SOX5: variants seen among roughly 807,000 people sequenced by gnomAD.
SOX5 encodes the protein SRY-box transcription factor 5, also known as transcription factor SOX-5.
SOX5 carries 9 observed loss-of-function variants against 92.0 expected under a neutral mutation model. The ratio of observed to expected loss-of-function variants is 0.10; its 90% CI spans 0.06 to 0.17. The LOEUF (loss-of-function observed/expected upper bound fraction) is 0.17, where lower values mean the gene tolerates loss of function less well. SOX5 is among the 10% of genes least tolerant of loss of function. The probability of loss-of-function intolerance (pLI) is 1.00; values close to 1 mark genes in which losing one functional copy is unlikely to be tolerated. For missense variants in SOX5, 642 were observed against 944.5 expected, an observed-to-expected ratio of 0.68 and a Z score of 4.20; for synonymous variants, 344 against 336.3, an observed-to-expected ratio of 1.02 and a Z score of -0.25.
chr12:23,563,676 A>T (rs1261994093), intron 10 of SOX5, among the ~76,000 whole-genome samples: 1 of 152,224 alleles, frequency 6.6e-6, no homozygotes, highest in South Asian at 2.1e-4. Flanking sequence ...AAGAAGTTGA[A>T]AACCTAATTT....
At position 24,422,926 on chromosome 12, in the gene SOX5, G is replaced by T. The variant is rs74410407; in HGVS notation, c.-250-54287C>A. ...CTCAGGAGGCTGAGGTAGAAGAATC[G>T]CCTGAGTCTGGAAGATCCAGGCTGT... On this transcript the variant is annotated intron_variant, in intron 1 of 4. Transcript: ENST00000446891. 4.5e-3 allele frequency among the ~76,000 whole-genome samples: 681 copies of T among 152,258 alleles called. 12 individuals are homozygous for T. In the East Asian group the frequency reaches 0.051, roughly 11 times the overall value.
At chr12:23,903,639 C>A (rs1489246842) in intron 1 of SOX5, among the ~76,000 whole-genome samples, 6 of 152,142 alleles carry the variant, frequency 3.9e-5, no homozygotes, top group African/African-American at 1.2e-4. Flanking sequence ...GAAGGGAACA[C>A]TGAATATGAA....
At chr12:24,072,487 G>A (rs1941923571) in intron 4 of SOX5, among the ~76,000 whole-genome samples, 1 of 152,216 alleles carries the variant, frequency 6.6e-6, no homozygotes, top group African/African-American at 2.4e-5. Context: ...GACCTGTTTA[G>A]AAGTCATAAT....
At chr12:24,049,721 T>G (rs754253733) in intron 4 of SOX5, among the ~76,000 whole-genome samples, 3 of 140,074 alleles carry the variant, frequency 2.1e-5, no homozygotes, top group Non-Finnish European at 3.0e-5. Flanking sequence ...AATAGCAGAT[T>G]TATGAAGGAC....
At chr12:24,052,072 G>A (rs1010572000) in intron 4 of SOX5, among the ~76,000 whole-genome samples, 1 of 152,034 alleles carries the variant, frequency 6.6e-6, no homozygotes, top group Non-Finnish European at 1.5e-5. Context: ...AGCCTTACTT[G>A]ACGTTCCTTC....
At chr12:23,730,204 A>C (rs1228267491) in intron 6 of SOX5, among the ~76,000 whole-genome samples, 1 of 151,972 alleles carries the variant, frequency 6.6e-6, no homozygotes, top group African/African-American at 2.4e-5. Flanking sequence ...AGAATAGGCA[A>C]CAGAGTAAGA....
chr12:23,605,995 T>C (rs975836791), intron 8 of SOX5, among the ~76,000 whole-genome samples: 27 of 152,030 alleles, frequency 1.8e-4, no homozygotes, highest in Middle Eastern at 3.2e-3. Flanking sequence ...ATAAAAATGA[T>C]TGTCTTCAAT....
intron 4 of SOX5, among the ~76,000 whole-genome samples, chr12:24,005,220 T>G (rs1952029484): frequency 6.6e-6 from 1 of 151,904 alleles, no homozygotes; most frequent in South Asian, 2.1e-4. Context: ...ATACATAAAA[T>G]TGGTGAATTC....
intron 13 of SOX5, among the ~76,000 whole-genome samples, chr12:23,538,356 T>G (rs757453350): frequency 5.3e-5 from 8 of 152,234 alleles, no homozygotes; most frequent in Admixed American, 1.3e-4. Context: ...CAATGTGAAT[T>G]TATTCTATTT....
chr12:23,984,583 T>C (rs1949888475), intron 4 of SOX5, among the ~76,000 whole-genome samples: 1 of 152,112 alleles, frequency 6.6e-6, no homozygotes, highest in African/African-American at 2.4e-5. Flanking sequence ...TATAGTGAAG[T>C]AGTGAAGAGA....
chr12:23,929,586 A>G (rs1464787471), intron 1 of SOX5, among the ~76,000 whole-genome samples: 1 of 151,964 alleles, frequency 6.6e-6, no homozygotes, highest in Non-Finnish European at 1.5e-5. Flanking sequence ...ACTGTGAAAG[A>G]GGAAAAAAAA....
chr12:24,094,209 A>ACTTACCAAT (rs1211701147), intron 4 of SOX5, among the ~76,000 whole-genome samples: 1 of 152,146 alleles, frequency 6.6e-6, no homozygotes, highest in Non-Finnish European at 1.5e-5. Context: ...GGCCTACCAA[A>ACTTACCAAT]CTGCTGGGAT....
At chr12:23,734,839 T>C (rs2093527863) in intron 5 of SOX5, 87 bp from the exon 6 acceptor site, 6 of 971,266 alleles carry the variant, frequency 6.2e-6, no homozygotes, top group Non-Finnish European at 8.1e-6. Context: ...AAAGTTTGAT[T>C]TGACACTGAT....
intron 14 of SOX5, among the ~76,000 whole-genome samples, chr12:23,536,226 G>GT: frequency 6.6e-6 from 1 of 152,124 alleles, no homozygotes; most frequent in Admixed American, 6.5e-5. Context: ...TAGATATCTT[G>GT]TTTTTAAACC....
chr12:24,356,786 A>T (rs555650409), intron 2 of SOX5, among the ~76,000 whole-genome samples: 3 of 152,290 alleles, frequency 2.0e-5, no homozygotes, highest in African/African-American at 7.2e-5. Context: ...TCCCATTTTT[A>T]AAAAAACCTC....
In SOX5 at chr12:23,676,642, C is replaced by T. The variant is rs578166322; in HGVS notation, c.811-11078G>A. Among the ~76,000 whole-genome samples, 28 of 152,268 alleles carry T rather than the reference C, an allele frequency of 1.8e-4. 2 individuals are homozygous for T. The South Asian group carries it at 3.9e-3, about 21-fold the overall frequency. On this transcript the variant is annotated intron_variant, in intron 6 of 14. Coordinates refer to ENST00000451604, the MANE Select transcript of SOX5 (RefSeq NM_006940.6). ...ACTGCAAGTTTCAATGTGGAATCCA[C>T]GACACAGTGACATTTGAAGACATGG...
chr12:23,844,142 A>G (rs1022292345), intron 3 of SOX5, among the ~76,000 whole-genome samples: 2 of 152,212 alleles, frequency 1.3e-5, no homozygotes, highest in Admixed American at 6.5e-5. Flanking sequence ...TCATCTGGCA[A>G]CACAACGTAC....
At chr12:24,114,573 CAAA>C (rs55913110) in intron 4 of SOX5, among the ~76,000 whole-genome samples, 14 of 40,586 alleles carry the variant, frequency 3.4e-4, no homozygotes, top group South Asian at 1.5e-3. Flanking sequence ...CACCCCGTCA[CAAA>C]AAAAAAAAAA....
At chr12:24,089,787 G>C (rs1944424888) in intron 4 of SOX5, among the ~76,000 whole-genome samples, 1 of 152,088 alleles carries the variant, frequency 6.6e-6, no homozygotes, top group Non-Finnish European at 1.5e-5. Context: ...TAAAGTAAAT[G>C]AAAGATGCAT....
Sources: allele counts gnomAD v4.1 joint callset (sites outside exome capture counted in the v4.1 genomes callset), GRCh38; gene constraint gnomAD v4.1.1; transcripts MANE v1.5; gene names NCBI Gene and HGNC (gene_info 2026-07-23, HGNC 2026-07-21).